The following UGT2B17 variants were observed in gnomAD, a reference collection of about 807,000 sequenced individuals.
UGT2B17 encodes the protein UDP-glucuronosyltransferase 2B17.
UGT2B17 carries 21 observed loss-of-function variants against 48.2 expected under a neutral mutation model. The ratio of observed to expected loss-of-function variants is 0.44; its 90% confidence interval spans 0.31 to 0.63. The LOEUF (loss-of-function observed/expected upper bound fraction) is 0.63. Among genes scored for constraint, UGT2B17 ranks in the 20% least tolerant of loss-of-function variants. UGT2B17 has a pLI of 0.08. For missense variants in UGT2B17, 402 were observed against 696.1 expected (o/e 0.58, Z 4.75); for synonymous variants, 146 against 238.4 (o/e 0.61, Z 3.57).
In UGT2B17 at chr4:68,565,569, C is replaced by T. The variant is rs778393890; in HGVS notation, c.873+3G>A. ...CAAACAAATGAAACAAGAATATGTT[C>T]ACCTTAGGCAAGGGTTTGGCTGGTT... On this transcript the variant is annotated splice_donor_region_variant and intron_variant, in intron 3 of 6. Coordinates refer to ENST00000317746, the MANE Select transcript of UGT2B17 (RefSeq NM_001077.4). 2.3e-5 allele frequency: 31 copies of T among 1,364,522 alleles called. 6 individuals are homozygous for T. The African/African-American group carries it at 2.5e-4, about 11-fold the overall frequency. 84.5% of individuals were successfully genotyped at this position (1,364,522 alleles called of 1,614,324 possible). A position where few individuals can be genotyped will look rare whatever the true frequency, so the allele number is the denominator to read the frequency against.
chr4:68,565,426 A>G (rs1369831028), intron 3 of UGT2B17, 146 bp downstream of exon 3: 1 of 723,988 alleles, frequency 1.4e-6, no homozygotes, highest in Non-Finnish European at 1.9e-6. Context: ...TTGTGATAGT[A>G]TAGAAATATA....
intron 6 of UGT2B17, among the ~76,000 whole-genome samples, chr4:68,549,888 G>A (rs866078449): frequency 8.0e-6 from 1 of 125,208 alleles, no homozygotes; most frequent in Non-Finnish European, 1.7e-5. Flanking sequence ...AAATGTCCAT[G>A]CCCTGATAAA....
Position 68,571,001 on chromosome 4 carries a change from T to C in UGT2B17, c.-64-2453A>G, listed in dbSNP as rs1482102747. Among the ~76,000 whole-genome samples, 4 of 126,144 alleles carry C rather than the reference T, an allele frequency of 3.2e-5. 2 individuals are homozygous for C. The highest frequency in any genetic ancestry group is 1.1e-4 in the African/African-American group (4 of 36,770). 82.8% of individuals were successfully genotyped at this position (126,144 alleles called of 152,430 possible). On this transcript the variant is annotated intron_variant, in intron 1 of 6. Transcript: ENST00000317746. Reference sequence around the variant, plus strand: ...TAGCAAGTAGTCAAGAGCTAGTCTATTTTGATAGATTGCATTTCTCATCTG... The same window carrying C: ...TAGCAAGTAGTCAAGAGCTAGTCTACTTTGATAGATTGCATTTCTCATCTG...
intron 6 of UGT2B17, among the ~76,000 whole-genome samples, chr4:68,538,382 G>T (rs1267806991): frequency 8.1e-6 from 1 of 123,784 alleles, no homozygotes; most frequent in Non-Finnish European, 1.7e-5. Flanking sequence ...CTACAGCTGC[G>T]CACCACCATG....
intron 4 of UGT2B17, among the ~76,000 whole-genome samples, chr4:68,556,644 T>A (rs188300750): frequency 7.9e-6 from 1 of 126,306 alleles, no homozygotes; most frequent in Non-Finnish European, 1.7e-5. Context: ...GACTTCTTAA[T>A]AAAGATTATA....
rs1306744300 is a variant in UGT2B17 at position 68,563,538 on chromosome 4, C to G, written c.873+2034G>C. Among the ~76,000 whole-genome samples, 9 of 126,354 alleles carry G rather than the reference C, an allele frequency of 7.1e-5. 2 individuals are homozygous for G. The highest frequency in any genetic ancestry group is 8.4e-5 in the Non-Finnish European group (5 of 59,582). 82.9% of individuals were successfully genotyped at this position (126,354 alleles called of 152,430 possible). Reference sequence around the variant, plus strand: ...GGCAGGAGAATCAGAATCACTTGAACCTAGAGGGTGGAGGTTGCAGTGAGC... The same window carrying G: ...GGCAGGAGAATCAGAATCACTTGAAGCTAGAGGGTGGAGGTTGCAGTGAGC... On this transcript the variant is annotated intron_variant, in intron 3 of 6. Transcript: ENST00000317746.
At position 68,560,023 on chromosome 4, in the gene UGT2B17, G is replaced by A. The variant is rs538315940; in HGVS notation, c.1005+514C>T. Among the ~76,000 whole-genome samples the A allele has an allele frequency of 2.8e-4, 37 of 132,112 alleles. 3 individuals are homozygous for A. The highest frequency in any genetic ancestry group is 6.6e-4 in the South Asian group (2 of 3,038). 86.7% of individuals were successfully genotyped at this position (132,112 alleles called of 152,430 possible). The stretch of plus-strand genomic sequence containing the variant: ...CTCTGAATGGCACCCTGAACAGAAC[G>A]CTAAATAGACCTATTCCAATGCATG... On this transcript the variant is annotated intron_variant, in intron 4 of 6. Transcript: ENST00000317746.
intron 1 of UGT2B17, among the ~76,000 whole-genome samples, chr4:68,570,637 T>C (rs1257659055): frequency 2.4e-5 from 3 of 126,750 alleles, no homozygotes; most frequent in Admixed American, 1.6e-4. Context: ...TGGAATAGAC[T>C]GATAGTGATT....
intron 4 of UGT2B17, among the ~76,000 whole-genome samples, chr4:68,554,212 G>A (rs1730963550): frequency 8.1e-6 from 1 of 123,914 alleles, no homozygotes; most frequent in African/African-American, 2.8e-5. Context: ...TAAACCCTAG[G>A]CCACAGCTCA....
chr4:68,565,970 T>C (rs1731192524), intron 2 of UGT2B17, among the ~76,000 whole-genome samples: 2 of 118,800 alleles, frequency 1.7e-5, no homozygotes, highest in African/African-American at 2.8e-5. Flanking sequence ...ATTTAATATA[T>C]GTTAATATAT....
At chr4:68,567,635 T>C in intron 2 of UGT2B17, 126 bp downstream of exon 2, 1 of 756,724 alleles carries the variant, frequency 1.3e-6, no homozygotes, top group Non-Finnish European at 1.8e-6. Context: ...TCATAGATCA[T>C]CTTACATTTG....
Position 68,574,559 on chromosome 4 carries a change from CAG to C in UGT2B17, c.-65+1390_-65+1391del, listed in dbSNP as rs1405154550. ...TAACTTTAGCTAATAAGTTTACACA[CAG>C]AATTTTCTTTAAATTAACATTTTAA... On this transcript the variant is annotated intron_variant, in intron 1 of 6. Transcript: ENST00000317746. Among the ~76,000 whole-genome samples, 7 of 126,156 alleles carry C rather than the reference CAG, an allele frequency of 5.5e-5. 2 individuals carry two copies. The highest frequency in any genetic ancestry group is 6.9e-4 in the South Asian group (2 of 2,902). The allele number at this position is 126,156 out of a possible 152,430, so 82.8% of individuals were successfully genotyped here. A position where few individuals can be genotyped will look rare whatever the true frequency, so the allele number is the denominator to read the frequency against.
chr4:68,572,830 G>C (rs781750040), intron 1 of UGT2B17, among the ~76,000 whole-genome samples: 7 of 126,196 alleles, frequency 5.5e-5, no homozygotes, highest in Admixed American at 3.2e-4. Flanking sequence ...GGACCAGTCA[G>C]CTTCTGGGTG....
At chr4:68,568,902 G>A (rs1731255261) in intron 1 of UGT2B17, among the ~76,000 whole-genome samples, 1 of 138,456 alleles carries the variant, frequency 7.2e-6, no homozygotes, top group African/African-American at 2.5e-5. Context: ...ACAGTTCAAT[G>A]TTTCCTAGTA....
Position 68,551,965 on chromosome 4 carries a change from C to A in UGT2B17, c.1006-54G>T, listed in dbSNP as rs1452089136. ...AATGAATAGAACTCTAAAAATATAA[C>A]TTGTTAGAATTCTGAAGAGATTAAT... On this transcript the variant is annotated intron_variant, in intron 4 of 6. Transcript: ENST00000317746. The A allele has an allele frequency of 6.1e-6, 7 of 1,150,628 alleles. 2 individuals carry two copies. The highest frequency in any genetic ancestry group is 8.0e-6 in the Non-Finnish European group (7 of 872,422). 71.3% of individuals were successfully genotyped at this position (1,150,628 alleles called of 1,614,324 possible). A position where few individuals can be genotyped will look rare whatever the true frequency, so the allele number is the denominator to read the frequency against.
chr4:68,571,167 C>T (rs7678636), intron 1 of UGT2B17, among the ~76,000 whole-genome samples: 40,110 of 123,932 alleles, frequency 0.32, 13,798 homozygotes, highest in Admixed American at 0.47. Context: ...GCCTAAGTGG[C>T]GGGTCCATAG....
At chr4:68,548,575 T>A (rs2109764141) in intron 6 of UGT2B17, among the ~76,000 whole-genome samples, 1 of 124,800 alleles carries the variant, frequency 8.0e-6, no homozygotes, top group African/African-American at 2.7e-5. Context: ...TAAAGTATAA[T>A]AAAAAAAATT....
intron 6 of UGT2B17, among the ~76,000 whole-genome samples, chr4:68,549,342 A>G: frequency 1.3e-5 from 1 of 78,384 alleles, no homozygotes; most frequent in Admixed American, 1.4e-4. Flanking sequence ...CATCCTCCAA[A>G]AAGTAAAAAA....
chr4:68,569,459 C>A (rs114790205), intron 1 of UGT2B17, among the ~76,000 whole-genome samples: 5,191 of 125,442 alleles, frequency 0.041, 1,193 homozygotes, highest in African/African-American at 0.14. Flanking sequence ...CAGAAAGGTA[C>A]TGGGAGCTCT....
Sources: allele counts gnomAD v4.1 joint callset (sites outside exome capture counted in the v4.1 genomes callset), GRCh38; gene constraint gnomAD v4.1.1; transcripts MANE v1.5; gene names NCBI Gene and HGNC (gene_info 2026-07-23, HGNC 2026-07-21).